Variants in ELAVL4 observed in about 807,000 individuals in gnomAD.
ELAVL4 encodes ELAV-like protein 4.
A neutral mutation model predicts 35.6 loss-of-function variants in ELAVL4; 1 was observed. The observed-to-expected ratio is 0.03, with a 90% CI of 0.01 to 0.13. ELAVL4 has a LOEUF of 0.13. Among genes scored for constraint, ELAVL4 ranks in the 10% least tolerant of loss-of-function variants. The pLI is 1.00. For missense variants in ELAVL4, 267 were observed against 464.9 expected (o/e 0.57, Z 3.91); for synonymous variants, 156 against 171.0 (o/e 0.91, Z 0.69).
chr1:50,089,194 A>G (rs1483020595), intron 1 of ELAVL4, among the ~76,000 whole-genome samples: 1 of 152,184 alleles, frequency 6.6e-6, no homozygotes, highest in Non-Finnish European at 1.5e-5. Flanking sequence ...GACTCATAAG[A>G]ACTTATCATT....
chr1:50,120,189 G>A (rs1443508181), intron 1 of ELAVL4, among the ~76,000 whole-genome samples: 1 of 151,904 alleles, frequency 6.6e-6, no homozygotes, highest in East Asian at 1.9e-4. Flanking sequence ...TGTGGACAGT[G>A]TCTCAGCAGA....
In ELAVL4 at chr1:50,078,106, T is replaced by TTGTGTGTGTGTGTG. The variant is rs56818675; in HGVS notation, c.18+29948_18+29961dup. On this transcript the variant is annotated intron_variant, in intron 1 of 6. Coordinates refer to the ELAVL4 transcript ENST00000448907. Reference sequence around the variant, plus strand: ...GGCATTTAGTATACAAATATATACCTTGTGTGTGTGTGTGTGTGTGTGTGT... The same window carrying TTGTGTGTGTGTGTG: ...GGCATTTAGTATACAAATATATACCTTGTGTGTGTGTGTGTGTGTGTGTGTGTGTGTGTGTGTGT... 1.7e-3 allele frequency among the ~76,000 whole-genome samples: 246 copies of TTGTGTGTGTGTGTG among 145,056 alleles called. 2 individuals carry two copies. The highest frequency in any genetic ancestry group is 4.3e-3 in the Admixed American group (62 of 14,502).
At chr1:50,178,089 T>A (rs1289673377) in intron 3 of ELAVL4, among the ~76,000 whole-genome samples, 2 of 152,200 alleles carry the variant, frequency 1.3e-5, no homozygotes, top group Non-Finnish European at 2.9e-5. Context: ...CTCCTCGGCC[T>A]TCCTTCCCTT....
intron 1 of ELAVL4, among the ~76,000 whole-genome samples, chr1:50,139,464 G>A (rs1672449363): frequency 1.3e-5 from 2 of 152,186 alleles, no homozygotes; most frequent in African/African-American, 4.8e-5. Context: ...GGACCCTAAT[G>A]TTCTCTGGTA....
chr1:50,176,414 T>C (rs1261620184), intron 2 of ELAVL4, among the ~76,000 whole-genome samples: 1 of 152,232 alleles, frequency 6.6e-6, no homozygotes, highest in Non-Finnish European at 1.5e-5. Context: ...CTCCAGTCTT[T>C]GCTACTCAAG....
intron 2 of ELAVL4, among the ~76,000 whole-genome samples, chr1:50,159,757 G>A (rs1676449240): frequency 6.6e-6 from 1 of 152,286 alleles, no homozygotes; most frequent in African/African-American, 2.4e-5. Context: ...TTCTAAGCCA[G>A]TAGAGAAGAA....
chr1:50,195,873 G>A, intron 5 of ELAVL4, 87 bp downstream of exon 5: 1 of 1,486,858 alleles, frequency 6.7e-7, no homozygotes, highest in South Asian at 1.2e-5. Flanking sequence ...TGACAAATGG[G>A]GCAAGGGTAA....
chr1:50,175,745 C>T (rs1679913609), intron 2 of ELAVL4: 1 of 152,228 alleles, frequency 6.6e-6, no homozygotes, highest in African/African-American at 2.4e-5. Flanking sequence ...TTTCCTCCTA[C>T]AACCAACACA....
chr1:50,085,990 A>T (rs1572151100), intron 1 of ELAVL4, among the ~76,000 whole-genome samples: 1 of 152,272 alleles, frequency 6.6e-6, no homozygotes, highest in East Asian at 1.9e-4. Flanking sequence ...ATTTGGGGTA[A>T]CTGTTCATGT....
intron 6 of ELAVL4, among the ~76,000 whole-genome samples, chr1:50,200,043 GC>G (rs566296067): frequency 1.1e-3 from 161 of 152,304 alleles, no homozygotes; most frequent in African/African-American, 3.6e-3. Flanking sequence ...TTGCAGTCTT[GC>G]TTCAGTGATA....
chr1:50,055,264 A>C (rs966456948), intron 1 of ELAVL4, among the ~76,000 whole-genome samples: 1 of 151,778 alleles, frequency 6.6e-6, no homozygotes, highest in African/African-American at 2.4e-5. Flanking sequence ...AAGCATGATC[A>C]ATTTGTTTTG....
intron 3 of ELAVL4, among the ~76,000 whole-genome samples, chr1:50,183,484 G>C (rs1456017082): frequency 6.6e-6 from 1 of 152,136 alleles, no homozygotes; most frequent in Non-Finnish European, 1.5e-5. Flanking sequence ...GTGAGGGAAG[G>C]CTTTTCAGAA....
chr1:50,159,540 C>T (rs576490039), intron 2 of ELAVL4, among the ~76,000 whole-genome samples: 4 of 151,646 alleles, frequency 2.6e-5, no homozygotes, highest in Non-Finnish European at 4.4e-5. Context: ...ACCTGAGAGG[C>T]GGAGGTTGCA....
intron 1 of ELAVL4, among the ~76,000 whole-genome samples, chr1:50,087,639 T>C (rs937199589): frequency 6.6e-6 from 1 of 152,198 alleles, no homozygotes; most frequent in Admixed American, 6.5e-5. Context: ...TAGCTCTTGA[T>C]GTGACTGTAT....
chr1:50,136,572 A>G (rs570181183), intron 1 of ELAVL4, among the ~76,000 whole-genome samples: 29 of 152,322 alleles, frequency 1.9e-4, no homozygotes, highest in African/African-American at 6.5e-4. Flanking sequence ...ATGGTAAAAG[A>G]AAACACCTTT....
At chr1:50,062,401 A>G (rs991630060) in intron 1 of ELAVL4, among the ~76,000 whole-genome samples, 1 of 151,950 alleles carries the variant, frequency 6.6e-6, no homozygotes, top group Non-Finnish European at 1.5e-5. Flanking sequence ...TTTATCTGGG[A>G]TGCCTGTTAT....
At chr1:50,136,534 T>C (rs191325873) in intron 1 of ELAVL4, among the ~76,000 whole-genome samples, 42 of 152,326 alleles carry the variant, frequency 2.8e-4, no homozygotes, top group Admixed American at 1.8e-3. Flanking sequence ...GTTAGCTTTA[T>C]ACATATATTT....
At chr1:50,072,441 C>T (rs1340417099) in intron 1 of ELAVL4, among the ~76,000 whole-genome samples, 2 of 152,226 alleles carry the variant, frequency 1.3e-5, no homozygotes, top group African/African-American at 2.4e-5. Context: ...TTTGTCCACA[C>T]AGCCCCGCTG....
At chr1:50,160,187 C>G (rs1347369352) in intron 2 of ELAVL4, among the ~76,000 whole-genome samples, 1 of 152,170 alleles carries the variant, frequency 6.6e-6, no homozygotes, top group Non-Finnish European at 1.5e-5. Context: ...ATTTTCACAT[C>G]TGCCACGTAC....
Sources: allele counts gnomAD v4.1 joint callset (sites outside exome capture counted in the v4.1 genomes callset), GRCh38; gene constraint gnomAD v4.1.1; transcripts MANE v1.5; gene names NCBI Gene and HGNC (gene_info 2026-07-23, HGNC 2026-07-21).